Variants in ADGRD1 observed in about 807,000 individuals in gnomAD.
ADGRD1 encodes adhesion G protein-coupled receptor D1.
ADGRD1 carries 77 observed loss-of-function variants against 113.4 expected under a neutral mutation model. The observed-to-expected ratio is 0.68, with a 90% CI of 0.57 to 0.82. The LOEUF (loss-of-function observed/expected upper bound fraction) is 0.82, where lower values mean the gene tolerates loss of function less well. ADGRD1 is among the 40% of genes least tolerant of loss of function. ADGRD1 has a pLI of 0.00. For missense variants in ADGRD1, 1,036 were observed against 1,139.1 expected (o/e 0.91, Z 1.30); for synonymous variants, 474 against 475.0 (o/e 1.00, Z 0.03).
rs1187655418 is a variant in ADGRD1 at position 131,022,718 on chromosome 12, T to C, written c.1473+8378T>C. The C allele has an allele frequency of 6.6e-6, 1 of 152,160 alleles. No individual in the cohort carries two copies. Among genetic ancestry groups the C allele is most frequent in the African/African-American group, 2.4e-5 (1 of 41,438 alleles). 9.4% of individuals were successfully genotyped at this position (152,160 alleles called of 1,614,324 possible). A position where few individuals can be genotyped will look rare whatever the true frequency, so the allele number is the denominator to read the frequency against. ...GATATGCTGGGCTCATGGAATCGGCTCTTTCCCTAAGGAGCCCTGGTGCCT... is the reference window on the plus strand; with the variant it reads ...GATATGCTGGGCTCATGGAATCGGCCCTTTCCCTAAGGAGCCCTGGTGCCT... On this transcript the variant is annotated intron_variant, in intron 13 of 24. Transcript: ENST00000261654. The surrounding 1 kb of genome is among the most constrained non-coding windows in gnomAD (Gnocchi z 4.6).
chr12:131,060,097 G>A lies in ADGRD1; in HGVS notation c.1474-16704G>A, dbSNP rs918172124. 3.3e-5 allele frequency among the ~76,000 whole-genome samples: 5 copies of A among 152,248 alleles called. No homozygotes were observed. Among genetic ancestry groups the A allele is most frequent in the African/African-American group, 1.2e-4 (5 of 41,468 alleles). The stretch of plus-strand genomic sequence containing the variant: ...GTGAAAGTCCGAGTGCCTGCTCTGT[G>A]TCCCTTGGAGTCCTGGTGAGGGCTG... On this transcript the variant is annotated intron_variant, in intron 13 of 24. Transcript: ENST00000261654. The surrounding 1 kb of genome is among the most constrained non-coding windows in gnomAD (Gnocchi z 4.4).
At chr12:131,134,323 C>T (rs1442200033) in intron 21 of ADGRD1, among the ~76,000 whole-genome samples, 1 of 152,224 alleles carries the variant, frequency 6.6e-6, no homozygotes, top group African/African-American at 2.4e-5. Flanking sequence ...AGGGACCCCT[C>T]TTCTTCTGCT....
intron 24 of ADGRD1, 43 bp from the exon 25 acceptor site, chr12:131,139,125 C>G: frequency 1.3e-6 from 2 of 1,500,882 alleles, no homozygotes; most frequent in Non-Finnish European, 1.8e-6. Flanking sequence ...GGCTCTCCCC[C>G]TGGGAGCAGG....
intron 2 of ADGRD1, among the ~76,000 whole-genome samples, chr12:130,958,734 A>G (rs1487833148): frequency 6.6e-6 from 1 of 152,192 alleles, no homozygotes; most frequent in Non-Finnish European, 1.5e-5. Context: ...CAAACACACC[A>G]ACAGAAACAA....
chr12:131,045,889 C>G (rs1882651661), intron 13 of ADGRD1, among the ~76,000 whole-genome samples: 1 of 152,056 alleles, frequency 6.6e-6, no homozygotes, highest in African/African-American at 2.4e-5. Flanking sequence ...CATATCCTTC[C>G]TGGTCAGTGC....
intron 19 of ADGRD1, among the ~76,000 whole-genome samples, chr12:131,119,982 T>C (rs891564263): frequency 2.0e-5 from 3 of 152,170 alleles, no homozygotes; most frequent in Non-Finnish European, 2.9e-5. Flanking sequence ...CTCAGATTCC[T>C]CATCTGCAGG....
chr12:131,078,502 A>G (rs992018502), intron 14 of ADGRD1, among the ~76,000 whole-genome samples: 4 of 152,228 alleles, frequency 2.6e-5, no homozygotes, highest in Admixed American at 2.6e-4. Flanking sequence ...GCTCCTAGAA[A>G]TAGTTATTCC....
chr12:130,966,371 C>A lies in ADGRD1; in HGVS notation c.104-92C>A. 1 of 773,290 alleles carries A rather than the reference C, an allele frequency of 1.3e-6. No individual in the cohort carries two copies. Among genetic ancestry groups the A allele is most frequent in the South Asian group, 1.5e-5 (1 of 68,950 alleles). The allele number at this position is 773,290 out of a possible 1,614,324, so 47.9% of individuals were successfully genotyped here. On this transcript the variant is annotated intron_variant, in intron 2 of 24. Transcript: ENST00000261654. The surrounding 1 kb of genome is among the most constrained non-coding windows in gnomAD (Gnocchi z 4.6). ...CCCACAGACATGGGATCCTTTTACTCTTCCCCCATAATGTGTGTGCTAAGC... is the reference window on the plus strand; with the variant it reads ...CCCACAGACATGGGATCCTTTTACTATTCCCCCATAATGTGTGTGCTAAGC...
chr12:130,992,316 T>G lies in ADGRD1; in HGVS notation c.890T>G (p.Leu297Arg), dbSNP rs1593310420. The part of the protein sequence containing the change: ...RKTFQSPGVI[L>R]SYLQNVSLSL... The stretch of plus-strand genomic sequence containing the variant: ...ACCTTCCAAAGTCCCGGAGTGATAC[T>G]GAGTTACCTCCAAAATGTATCCCTC... The change falls in exon 8 of 25, where the codon CTG becomes CGG. Residue 297 changes from leucine (L) to arginine (R), a missense_variant. Coordinates refer to ENST00000261654, the MANE Select transcript of ADGRD1 (RefSeq NM_198827.5). 1 of 1,612,482 alleles carries G rather than the reference T, an allele frequency of 6.2e-7. No homozygotes were observed. The highest frequency in any genetic ancestry group is 2.2e-5 in the East Asian group (1 of 44,874).
Position 131,098,411 on chromosome 12 carries a change from T to C in ADGRD1, c.1672-6420T>C, listed in dbSNP as rs534791847. Among the ~76,000 whole-genome samples the C allele has an allele frequency of 3.3e-5, 5 of 151,546 alleles. No individual in the cohort carries two copies. In the South Asian group the frequency reaches 1.0e-3, roughly 32 times the overall value. The stretch of plus-strand genomic sequence containing the variant: ...TGAGACTCAGGCGCTATGGAGGGGG[T>C]GAGCCATGAGGGACGAGGCTCCAGT... On this transcript the variant is annotated intron_variant, in intron 15 of 24. Coordinates refer to ENST00000261654, the MANE Select transcript of ADGRD1 (RefSeq NM_198827.5).
intron 15 of ADGRD1, among the ~76,000 whole-genome samples, chr12:131,091,451 G>A (rs1056280018): frequency 1.3e-5 from 2 of 152,182 alleles, no homozygotes; most frequent in African/African-American, 2.4e-5. Flanking sequence ...ATGAAGTCAC[G>A]AAACGCGGTG....
intron 13 of ADGRD1, among the ~76,000 whole-genome samples, chr12:131,061,329 A>C (rs921065727): frequency 2.6e-5 from 4 of 152,144 alleles, no homozygotes; most frequent in African/African-American, 7.2e-5. Context: ...GCCAGCTGTC[A>C]CCTGCCGTCC....
At chr12:130,979,129 A>C (rs1404425021) in intron 4 of ADGRD1, among the ~76,000 whole-genome samples, 2 of 152,018 alleles carry the variant, frequency 1.3e-5, no homozygotes, top group East Asian at 3.9e-4. Context: ...CCTCTGTGCA[A>C]CCCCCACAGT....
chr12:131,043,763 G>T (rs1490889460), intron 13 of ADGRD1, among the ~76,000 whole-genome samples: 1 of 152,246 alleles, frequency 6.6e-6, no homozygotes, highest in Non-Finnish European at 1.5e-5. Flanking sequence ...TGGGGAGCAG[G>T]CTCGTAGTGA....
rs939287636 is a variant in ADGRD1, at chr12:131,075,624, G to A, written c.1474-1177G>A. ...AGGCTGGAGGAGCTGTCAGACAGAT[G>A]CTGCGATGATAGCCCTGTGAGTCCT... On this transcript the variant is annotated intron_variant, in intron 13 of 24. Coordinates refer to ENST00000261654, the MANE Select transcript of ADGRD1 (RefSeq NM_198827.5). The surrounding 1 kb of genome is among the most constrained non-coding windows in gnomAD (Gnocchi z 5.3). Among the ~76,000 whole-genome samples the A allele has an allele frequency of 1.3e-5, 2 of 152,218 alleles. No homozygotes were observed. Among genetic ancestry groups the A allele is most frequent in the African/African-American group, 4.8e-5 (2 of 41,470 alleles).
intron 6 of ADGRD1, chr12:130,987,608 C>T (rs12828023): frequency 2.8e-5 from 15 of 526,594 alleles, no homozygotes; most frequent in African/African-American, 1.9e-4. Context: ...ATGTGATGGA[C>T]GATTATAGAA....
intron 8 of ADGRD1, among the ~76,000 whole-genome samples, chr12:130,992,899 G>A (rs1489372830): frequency 6.6e-6 from 1 of 152,202 alleles, no homozygotes; most frequent in Non-Finnish European, 1.5e-5. Flanking sequence ...TGAAGGCAGA[G>A]GGTGGATCGT....
At chr12:131,128,073 G>A (rs1950791211) in intron 20 of ADGRD1, among the ~76,000 whole-genome samples, 2 of 145,674 alleles carry the variant, frequency 1.4e-5, no homozygotes, top group Non-Finnish European at 1.5e-5. Context: ...CTGAGCTCAG[G>A]TGGGGTGTTG....
intron 13 of ADGRD1, among the ~76,000 whole-genome samples, chr12:131,020,220 G>A (rs1361698420): frequency 6.2e-5 from 9 of 145,506 alleles, no homozygotes; most frequent in Non-Finnish European, 1.1e-4. Context: ...TATTCCAGGG[G>A]CAGGACCCCG....
Sources: allele counts gnomAD v4.1 joint callset (sites outside exome capture counted in the v4.1 genomes callset), GRCh38; gene constraint gnomAD v4.1.1; non-coding constraint Gnocchi (gnomAD v3.1); transcripts MANE v1.5; gene names NCBI Gene and HGNC (gene_info 2026-07-23, HGNC 2026-07-21).